RAB36: variants seen among roughly 807,000 people sequenced by gnomAD.
The protein encoded by RAB36 is RAB36, member RAS oncogene family.
In RAB36, 33 loss-of-function variants were observed where a neutral mutation model predicts 39.3. That is an observed-to-expected ratio of 0.84 (90% CI 0.64 to 1.12). RAB36 has a LOEUF of 1.12. RAB36 is among the 50% of genes most tolerant of loss of function. The probability of loss-of-function intolerance (pLI) is 0.00; values close to 1 mark genes in which losing one functional copy is unlikely to be tolerated. For synonymous variants in RAB36, 133 were observed against 140.2 expected, an observed-to-expected ratio of 0.95 and a Z score of 0.36; for missense variants, 308 against 355.3, an observed-to-expected ratio of 0.87 and a Z score of 1.07.
At chr22:23,151,180 C>G (rs1481878137) in intron 3 of RAB36, among the ~76,000 whole-genome samples, 1 of 152,180 alleles carries the variant, frequency 6.6e-6, no homozygotes, top group Non-Finnish European at 1.5e-5. Flanking sequence ...GAGCTGAGAT[C>G]AGAATAGCCG....
chr22:23,165,868 T>C (rs1406297484), downstream of RAB36, among the ~76,000 whole-genome samples: 4 of 152,084 alleles, frequency 2.6e-5, no homozygotes, highest in Admixed American at 1.3e-4. Flanking sequence ...GTTTCCAGGC[T>C]GGGCACAGTG....
intron 4 of RAB36, 115 bp downstream of exon 4, chr22:23,152,641 T>G: frequency 9.6e-7 from 1 of 1,046,270 alleles, no homozygotes; most frequent in Admixed American, 1.9e-5. Flanking sequence ...TTCCAGGAAC[T>G]GCTGTGCCTC....
chr22:23,162,985 C>T lies in RAB36; in HGVS notation c.*1421C>T. 3.1e-6 allele frequency: 1 copy of T among 325,342 alleles called. No individual in the cohort carries two copies. The highest frequency in any genetic ancestry group is 6.0e-6 in the Non-Finnish European group (1 of 166,058). 20.2% of individuals were successfully genotyped at this position (325,342 alleles called of 1,614,324 possible). A position where few individuals can be genotyped will look rare whatever the true frequency, so the allele number is the denominator to read the frequency against. ...GGAGTGCAATGGCGTAATCTCGGCT[C>T]AGTGCAACCTCTGCCTCCCAGGTTG... On this transcript the variant is annotated 3_prime_UTR_variant, in exon 11 of 11. Coordinates refer to ENST00000263116, the MANE Select transcript of RAB36 (RefSeq NM_004914.5).
In RAB36 at chr22:23,162,231, C is replaced by T. The variant is rs935724830; in HGVS notation, c.*667C>T. On this transcript the variant is annotated 3_prime_UTR_variant, in exon 11 of 11. Transcript: ENST00000263116. ...CTGGCTGAAGGGCTATCTCTGGCAC[C>T]TCTGAGATCCCTAGGTCCTGCCCTC... 5.7e-5 allele frequency: 12 copies of T among 211,276 alleles called. No homozygotes were observed. Among genetic ancestry groups the T allele is most frequent in the Admixed American group, 1.1e-4 (2 of 19,004 alleles). 13.1% of individuals were successfully genotyped at this position (211,276 alleles called of 1,614,324 possible). A position where few individuals can be genotyped will look rare whatever the true frequency, so the allele number is the denominator to read the frequency against.
At position 23,152,445 on chromosome 22, in the gene RAB36, G is replaced by C. The variant is rs1296538684; in HGVS notation, c.162-16G>C. On this transcript the variant is annotated splice_polypyrimidine_tract_variant and intron_variant, in intron 3 of 10. Coordinates refer to ENST00000263116, the MANE Select transcript of RAB36 (RefSeq NM_004914.5). ...GGAAGGCATGCCCGACGGCAACACGGCCATATTTCTCACAGGCTCAAACTC... is the reference window on the plus strand; with the variant it reads ...GGAAGGCATGCCCGACGGCAACACGCCCATATTTCTCACAGGCTCAAACTC... 6.2e-7 allele frequency: 1 copy of C among 1,614,084 alleles called. No individual in the cohort carries two copies.
intron 9 of RAB36, among the ~76,000 whole-genome samples, chr22:23,159,893 G>T (rs963565929): frequency 2.6e-5 from 4 of 152,254 alleles, no homozygotes; most frequent in African/African-American, 9.6e-5. Flanking sequence ...CATCTGGGAA[G>T]CAGGTGATGC....
chr22:23,165,029 C>T lies in RAB36; in HGVS notation c.*3465C>T, dbSNP rs1224625602. On this transcript the variant is annotated 3_prime_UTR_variant, in exon 11 of 11. Coordinates refer to ENST00000263116, the MANE Select transcript of RAB36 (RefSeq NM_004914.5). ...TCCCAGAGAGGCCTCTGTGGACACC[C>T]CCACAGCTCTCGCAGCACTTGATAC... is the stretch of plus-strand genomic sequence containing the variant. Among the ~76,000 whole-genome samples, 1 of 152,118 alleles carries T rather than the reference C, an allele frequency of 6.6e-6. No individual in the cohort carries two copies. The highest frequency in any genetic ancestry group is 1.5e-5 in the Non-Finnish European group (1 of 68,014).
chr22:23,165,984 A>C (rs1017639062), downstream of RAB36, among the ~76,000 whole-genome samples: 1 of 151,948 alleles, frequency 6.6e-6, no homozygotes, highest in Admixed American at 6.6e-5. Context: ...GTCTCTACTA[A>C]AAATACAAAA....
intron 9 of RAB36, among the ~76,000 whole-genome samples, 198 bp downstream of exon 9, chr22:23,159,451 A>G (rs1001807631): frequency 6.6e-6 from 1 of 152,224 alleles, no homozygotes; most frequent in Non-Finnish European, 1.5e-5. Context: ...CGTCATCTCT[A>G]GAAGGAAGCT....
intron 3 of RAB36, among the ~76,000 whole-genome samples, chr22:23,150,623 G>A (rs1273552091): frequency 1.3e-5 from 2 of 152,050 alleles, no homozygotes; most frequent in African/African-American, 4.8e-5. Context: ...TTTTCATCTG[G>A]CTTCAGTTAA....
intron 5 of RAB36, among the ~76,000 whole-genome samples, chr22:23,154,431 G>T (rs1015859944): frequency 3.3e-5 from 5 of 152,240 alleles, no homozygotes; most frequent in African/African-American, 9.6e-5. Context: ...GGAGATGGAG[G>T]ATAACAAATC....
chr22:23,153,490 CA>C lies in RAB36; in HGVS notation c.329+357del, dbSNP rs2071280745. ...ACCAGGCCAGCAGGGTGGCCTCCCG[CA>C]GGTTGCTGCTGAGCTCTGAGCCTCT... On this transcript the variant is annotated intron_variant, in intron 5 of 10. Transcript: ENST00000263116. The C allele has an allele frequency of 5.2e-5, 46 of 883,034 alleles. No homozygotes were observed. The South Asian group carries it at 2.1e-3, about 41-fold the overall frequency. 54.7% of individuals were successfully genotyped at this position (883,034 alleles called of 1,614,324 possible).
At chr22:23,149,081 G>A (rs963200846) in intron 2 of RAB36, among the ~76,000 whole-genome samples, 4 of 152,120 alleles carry the variant, frequency 2.6e-5, no homozygotes, top group African/African-American at 9.7e-5. Flanking sequence ...GAACTGAGAG[G>A]GCAGATGGGC....
chr22:23,145,400 G>A, upstream of RAB36: 1 of 1,609,430 alleles, frequency 6.2e-7, no homozygotes. Flanking sequence ...ATGCTTGGAC[G>A]CGCCGCTGCC....
chr22:23,153,682 C>CCACTT (rs1408014365), intron 5 of RAB36: 1 of 692,502 alleles, frequency 1.4e-6, no homozygotes, highest in African/African-American at 2.0e-5. Context: ...CACTTTCCTT[C>CCACTT]CACTTCTGTC....
chr22:23,157,951 G>A (rs571380310), intron 6 of RAB36, 41 bp from the exon 7 acceptor site: 12 of 1,613,510 alleles, frequency 7.4e-6, no homozygotes, highest in African/African-American at 5.3e-5. Context: ...TGCTCGCCTC[G>A]CCTGGCACTG....
Position 23,157,997 on chromosome 22 carries a change from A to G in RAB36, c.400A>G (p.Ile134Val). 1.2e-6 allele frequency: 2 copies of G among 1,614,184 alleles called. No individual in the cohort carries two copies. Among genetic ancestry groups the G allele is most frequent in the Non-Finnish European group, 1.7e-6 (2 of 1,180,014 alleles). ...GGCTTTTTCCGGGTGTCTAGTGATC[A>G]TCACGGCCTTTGACCTCACTGACGT... Reference protein sequence around the residue: ...SAYYRGAQVIITAFDLTDVQT... With the variant: ...SAYYRGAQVIVTAFDLTDVQT... The change falls in exon 7 of 11, where the codon ATC becomes GTC. Residue 134 changes from isoleucine (I) to valine (V), a missense_variant. By Grantham distance (29) the Ile-to-Val change is conservative (BLOSUM62 3). Transcript: ENST00000263116.
chr22:23,155,167 G>C (rs952473896), intron 5 of RAB36, among the ~76,000 whole-genome samples: 3 of 152,138 alleles, frequency 2.0e-5, no homozygotes, highest in African/African-American at 7.2e-5. Context: ...TCTTGTTTGT[G>C]ACTTGTCTAC....
intron 7 of RAB36, 108 bp downstream of exon 7, chr22:23,158,151 GACC>G: frequency 6.5e-7 from 1 of 1,539,652 alleles, no homozygotes; most frequent in South Asian, 1.2e-5. Context: ...GGGTGTGAGT[GACC>G]AGGGCCCCTT....
Sources: gnomAD v4.1 joint callset for allele counts (sites outside exome capture counted in the v4.1 genomes callset) on GRCh38, gnomAD v4.1.1 for gene constraint, MANE v1.5 for transcripts, NCBI Gene and HGNC (gene_info 2026-07-23, HGNC 2026-07-21) for gene names.